POU2F1: variants seen among roughly 807,000 people sequenced by gnomAD.
The protein encoded by POU2F1 is POU class 2 homeobox 1, also known as POU domain, class 2, transcription factor 1.
POU2F1 carries 16 observed loss-of-function variants against 84.9 expected under a neutral mutation model. The ratio of observed to expected loss-of-function variants is 0.19; its 90% CI spans 0.13 to 0.29. The LOEUF (loss-of-function observed/expected upper bound fraction) is 0.29. Ranked by LOEUF, POU2F1 falls within the 10% of genes least tolerant of loss-of-function variation. POU2F1 has a pLI of 1.00. For synonymous variants in POU2F1, 368 were observed against 368.3 expected, an observed-to-expected ratio of 1.00 and a Z score of 0.01; for missense variants, 738 against 942.6, an observed-to-expected ratio of 0.78 and a Z score of 2.84.
chr1:167,300,348 G>A (rs1654598772), intron 1 of POU2F1, among the ~76,000 whole-genome samples: 1 of 152,174 alleles, frequency 6.6e-6, no homozygotes, highest in Admixed American at 6.5e-5. Flanking sequence ...GGGTTCAATA[G>A]AAGCCAAAAC....
At chr1:167,360,135 A>G (rs1043070593) in intron 2 of POU2F1, among the ~76,000 whole-genome samples, 1 of 151,846 alleles carries the variant, frequency 6.6e-6, no homozygotes, top group Admixed American at 6.6e-5. Flanking sequence ...TTCTGTTGAT[A>G]GTTTCTTTTG....
At chr1:167,336,915 C>T (rs1035835822) in intron 2 of POU2F1, among the ~76,000 whole-genome samples, 11 of 152,056 alleles carry the variant, frequency 7.2e-5, no homozygotes, top group Non-Finnish European at 1.6e-4. Context: ...CTTGTAATCC[C>T]AGCACTTTGG....
chr1:167,326,087 C>CT (rs971857113), intron 1 of POU2F1, among the ~76,000 whole-genome samples: 17 of 152,174 alleles, frequency 1.1e-4, no homozygotes, highest in African/African-American at 4.1e-4. Context: ...TCTATGAACC[C>CT]TTTGCCCACA....
At chr1:167,415,405 T>C (rs1650234284) in intron 15 of POU2F1, 95 bp from the exon 16 acceptor site, 30 of 1,372,500 alleles carry the variant, frequency 2.2e-5, no homozygotes, top group Non-Finnish European at 3.0e-5. Flanking sequence ...TGGTGGGTTG[T>C]AGGAAAATGA....
At chr1:167,265,144 A>G (rs556545908) in intron 1 of POU2F1, among the ~76,000 whole-genome samples, 1 of 152,346 alleles carries the variant, frequency 6.6e-6, no homozygotes, top group South Asian at 2.1e-4. Context: ...GTAATGCTGT[A>G]TATAACAGGC....
chr1:167,326,659 T>C (rs1161917599), intron 1 of POU2F1, among the ~76,000 whole-genome samples: 7 of 152,172 alleles, frequency 4.6e-5, no homozygotes, highest in Non-Finnish European at 8.8e-5. Flanking sequence ...GGTCCCACTC[T>C]AGATAGTAGC....
intron 1 of POU2F1, among the ~76,000 whole-genome samples, chr1:167,251,746 A>G (rs1571167465): frequency 6.6e-6 from 1 of 152,302 alleles, no homozygotes; most frequent in East Asian, 1.9e-4. Flanking sequence ...AAAGAAGATG[A>G]AAACACCATA....
chr1:167,275,032 ATT>A (rs11413742), intron 1 of POU2F1, among the ~76,000 whole-genome samples: 58,798 of 111,478 alleles, frequency 0.53, 15,336 homozygotes, highest in East Asian at 0.78. Flanking sequence ...AAATAAATGT[ATT>A]TTTTTTTTTT....
intron 1 of POU2F1, among the ~76,000 whole-genome samples, chr1:167,232,795 A>T (rs1167088147): frequency 6.6e-6 from 1 of 151,414 alleles, no homozygotes; most frequent in Non-Finnish European, 1.5e-5. Context: ...GTGAGCTGAG[A>T]TTGCGCCACT....
intron 13 of POU2F1, among the ~76,000 whole-genome samples, chr1:167,405,627 G>A (rs1557963933): frequency 6.6e-6 from 1 of 152,128 alleles, no homozygotes; most frequent in Non-Finnish European, 1.5e-5. Context: ...AGTTGAGGCT[G>A]CAATAAGCTG....
intron 1 of POU2F1, among the ~76,000 whole-genome samples, chr1:167,303,198 T>G (rs1203098510): frequency 6.6e-6 from 1 of 152,142 alleles, no homozygotes; most frequent in African/African-American, 2.4e-5. Flanking sequence ...AGTAGGCTGT[T>G]TTATCCAGCT....
At chr1:167,268,940 T>C (rs1236687901) in intron 1 of POU2F1, among the ~76,000 whole-genome samples, 24 of 152,206 alleles carry the variant, frequency 1.6e-4, no homozygotes, top group Admixed American at 1.6e-3. Context: ...TGATTTACAT[T>C]CACTATAGTT....
At chr1:167,372,390 T>A (rs966972358) in intron 5 of POU2F1, among the ~76,000 whole-genome samples, 2 of 152,328 alleles carry the variant, frequency 1.3e-5, no homozygotes, top group Non-Finnish European at 1.5e-5. Context: ...AAGACATCAC[T>A]GCAGGGTAGA....
At chr1:167,316,984 T>C (rs1029040734) in intron 1 of POU2F1, among the ~76,000 whole-genome samples, 2 of 152,172 alleles carry the variant, frequency 1.3e-5, no homozygotes, top group Non-Finnish European at 2.9e-5. Flanking sequence ...TTCTGCCTCC[T>C]GGGTTCAAGC....
At chr1:167,258,585 A>C (rs904555152) in intron 1 of POU2F1, among the ~76,000 whole-genome samples, 1 of 152,210 alleles carries the variant, frequency 6.6e-6, no homozygotes, top group East Asian at 1.9e-4. Context: ...ATGTGTACAC[A>C]GGAGGACCTG....
Position 167,401,489 on chromosome 1 carries a change from A to C in POU2F1, c.1488A>C (p.Ala496=), listed in dbSNP as rs780631249. ...TTPSLVTSSA[A]TTLTVSPVLP... Reference sequence around the variant, plus strand: ...CAAGCCTTGTGACTAGCAGTGCAGCAACTACCCTCACAGTCAGCCCTGTCC... The same window carrying C: ...CAAGCCTTGTGACTAGCAGTGCAGCCACTACCCTCACAGTCAGCCCTGTCC... Residue 496 remains alanine, a synonymous_variant, in exon 13 of 16, where the codon GCA becomes GCC. Coordinates refer to ENST00000367866, the MANE Select transcript of POU2F1 (RefSeq NM_002697.4). The C allele has an allele frequency of 2.5e-6, 4 of 1,613,524 alleles. No homozygotes were observed. The South Asian group carries it at 4.4e-5, about 18-fold the overall frequency.
intron 1 of POU2F1, among the ~76,000 whole-genome samples, chr1:167,326,943 A>T (rs1324274619): frequency 2.0e-5 from 3 of 152,206 alleles, no homozygotes; most frequent in Non-Finnish European, 2.9e-5. Flanking sequence ...CAAATAATAA[A>T]TTTTAAATTT....
intron 1 of POU2F1, among the ~76,000 whole-genome samples, chr1:167,297,360 G>A (rs1654353941): frequency 1.3e-5 from 2 of 152,204 alleles, no homozygotes; most frequent in Admixed American, 1.3e-4. Context: ...GAAACCAGAA[G>A]CTTCAAGGAC....
At chr1:167,288,097 T>C (rs1653659964) in intron 1 of POU2F1, among the ~76,000 whole-genome samples, 2 of 152,166 alleles carry the variant, frequency 1.3e-5, no homozygotes, top group Admixed American at 1.3e-4. Flanking sequence ...CATACATTCT[T>C]TTAAAAGATG....
Sources: allele counts gnomAD v4.1 joint callset (sites outside exome capture counted in the v4.1 genomes callset), GRCh38; gene constraint gnomAD v4.1.1; transcripts MANE v1.5; gene names NCBI Gene and HGNC (gene_info 2026-07-23, HGNC 2026-07-21).